Variants in PRIMA1 observed in about 807,000 individuals in gnomAD.
PRIMA1 encodes the protein proline-rich membrane anchor 1.
A neutral mutation model predicts 17.5 loss-of-function variants in PRIMA1; 7 were observed. The ratio of observed to expected loss-of-function variants is 0.40; its 90% confidence interval spans 0.23 to 0.75. PRIMA1 has a LOEUF of 0.75. Among genes scored for constraint, PRIMA1 ranks in the 30% least tolerant of loss-of-function variants. PRIMA1 has a pLI of 0.37. For missense variants in PRIMA1, 200 were observed against 201.8 expected, an observed-to-expected ratio of 0.99 and a Z score of 0.05; for synonymous variants, 97 against 77.9, an observed-to-expected ratio of 1.25 and a Z score of -1.29.
chr14:93,773,294 A>G (rs1326780935), intron 3 of PRIMA1, among the ~76,000 whole-genome samples: 1 of 152,240 alleles, frequency 6.6e-6, no homozygotes, highest in Non-Finnish European at 1.5e-5. Context: ...ACATGGCCAG[A>G]GTCTGAGCTA....
At chr14:93,774,050 G>A (rs1885139667) in intron 3 of PRIMA1, among the ~76,000 whole-genome samples, 1 of 151,960 alleles carries the variant, frequency 6.6e-6, no homozygotes, top group Non-Finnish European at 1.5e-5. Context: ...CGAGATCACA[G>A]CACCGCACTT....
At chr14:93,759,522 T>TG (rs2076313806) in intron 3 of PRIMA1, among the ~76,000 whole-genome samples, 1 of 151,810 alleles carries the variant, frequency 6.6e-6, no homozygotes, top group Non-Finnish European at 1.5e-5. Context: ...TGTGTGTGCG[T>TG]GTGTGTGCAT....
At chr14:93,787,565 G>A (rs2141200783) in intron 2 of PRIMA1, 61 bp downstream of exon 2, 6 of 1,535,932 alleles carry the variant, frequency 3.9e-6, no homozygotes, top group East Asian at 2.4e-5. Flanking sequence ...CAGGAGGGAA[G>A]GGACAGCTCG....
At chr14:93,744,728 C>A (rs1053930272) in intron 3 of PRIMA1, among the ~76,000 whole-genome samples, 4 of 152,174 alleles carry the variant, frequency 2.6e-5, no homozygotes, top group Admixed American at 6.5e-5. Context: ...AGCATGGAGA[C>A]CCCCTGTTTC....
intron 3 of PRIMA1, among the ~76,000 whole-genome samples, chr14:93,762,299 A>C (rs1884757316): frequency 6.6e-6 from 1 of 152,128 alleles, no homozygotes; most frequent in African/African-American, 2.4e-5. Context: ...TAATTGCACC[A>C]GTAGCCAGTC....
rs536924535 is a variant in PRIMA1, at chr14:93,767,762, C to CG, written c.229+11413_229+11414insC. Among the ~76,000 whole-genome samples, 107 of 152,312 alleles carry CG rather than the reference C, an allele frequency of 7.0e-4. 2 individuals are homozygous for CG. In the South Asian group the frequency reaches 0.017, roughly 24 times the overall value. Reference sequence around the variant, plus strand: ...GGCAGGCTGACCCTACACACCCCCCCTCTCCATTCTGCCTGGAGACAGCGA... The same window carrying CG: ...GGCAGGCTGACCCTACACACCCCCCCGTCTCCATTCTGCCTGGAGACAGCGA... On this transcript the variant is annotated intron_variant, in intron 3 of 4. Coordinates refer to ENST00000393140, the MANE Select transcript of PRIMA1 (RefSeq NM_178013.4).
In PRIMA1 at chr14:93,725,905, T is replaced by C. The variant is rs1348659085; in HGVS notation, c.360-4359A>G. The C allele has an allele frequency of 8.8e-6, 4 of 456,224 alleles. No individual in the cohort carries two copies. In the Admixed American group the frequency reaches 9.4e-5, roughly 11 times the overall value. 28.3% of individuals were successfully genotyped at this position (456,224 alleles called of 1,614,324 possible). On this transcript the variant is annotated intron_variant, in intron 4 of 4. Coordinates refer to ENST00000393140, the MANE Select transcript of PRIMA1 (RefSeq NM_178013.4). The stretch of plus-strand genomic sequence containing the variant: ...TTAGGACCCAGCCTGGCTCTGCAGC[T>C]CTGTGAGTCAGCTGAGGCTGGTCTC...
chr14:93,743,049 T>A (rs2141165448), intron 3 of PRIMA1, among the ~76,000 whole-genome samples: 1 of 152,236 alleles, frequency 6.6e-6, no homozygotes, highest in African/African-American at 2.4e-5. Context: ...GGAAACAATC[T>A]CGGTTTTGCA....
chr14:93,722,354 GTGGTAGTGGTGA>G (rs1566961333), intron 4 of PRIMA1, among the ~76,000 whole-genome samples: 5 of 20,920 alleles, frequency 2.4e-4, no homozygotes, highest in African/African-American at 5.7e-4. Context: ...TGGGGTGATG[GTGGTAGTGGTGA>G]TGCTGGTGGT....
chr14:93,783,247 TCCCACTTC>T (rs1885432274), intron 2 of PRIMA1, among the ~76,000 whole-genome samples: 1 of 152,212 alleles, frequency 6.6e-6, no homozygotes, highest in African/African-American at 2.4e-5. Context: ...GGGTTCAGGC[TCCCACTTC>T]GCCCTGGGCA....
At chr14:93,730,069 T>C (rs2076104089) in intron 4 of PRIMA1, among the ~76,000 whole-genome samples, 1 of 152,204 alleles carries the variant, frequency 6.6e-6, no homozygotes, top group African/African-American at 2.4e-5. Context: ...AAATAGAGTC[T>C]GTCAGTTTAA....
chr14:93,779,579 A>G (rs1246602191), intron 2 of PRIMA1, among the ~76,000 whole-genome samples: 1 of 152,206 alleles, frequency 6.6e-6, no homozygotes, highest in Non-Finnish European at 1.5e-5. Context: ...AGAAGTAGAC[A>G]AGAACTTGAA....
At chr14:93,757,564 G>C (rs1170234284) in intron 3 of PRIMA1, among the ~76,000 whole-genome samples, 1 of 152,240 alleles carries the variant, frequency 6.6e-6, no homozygotes, top group African/African-American at 2.4e-5. Flanking sequence ...CTGGGGTGGG[G>C]GCTGGAGGGA....
rs925475213 is a variant in PRIMA1 at position 93,719,180 on chromosome 14, C to CTAGA, written c.*2260_*2263dup. ...AGCTGAGAGGGAATTTATGTGCAGA[C>CTAGA]TAGAGCCCTGGATGCGTCAGCGGCT... On this transcript the variant is annotated 3_prime_UTR_variant, in exon 5 of 5. Coordinates refer to ENST00000393140, the MANE Select transcript of PRIMA1 (RefSeq NM_178013.4). 6.6e-6 allele frequency: 1 copy of CTAGA among 152,166 alleles called. No individual in the cohort carries two copies. Among genetic ancestry groups the CTAGA allele is most frequent in the African/African-American group, 2.4e-5 (1 of 41,444 alleles). 9.4% of individuals were successfully genotyped at this position (152,166 alleles called of 1,614,324 possible).
At chr14:93,756,081 AT>A (rs958629510) in intron 3 of PRIMA1, among the ~76,000 whole-genome samples, 5 of 151,648 alleles carry the variant, frequency 3.3e-5, no homozygotes, top group Non-Finnish European at 4.4e-5. Context: ...AGAAATCTGG[AT>A]TTTTTTTTAA....
chr14:93,739,782 A>G (rs2076173320), intron 3 of PRIMA1, among the ~76,000 whole-genome samples: 1 of 152,136 alleles, frequency 6.6e-6, no homozygotes, highest in Non-Finnish European at 1.5e-5. Context: ...CGAATCAGAA[A>G]TTCTTCCTGA....
intron 3 of PRIMA1, among the ~76,000 whole-genome samples, chr14:93,773,888 G>T (rs1885136890): frequency 1.3e-5 from 2 of 152,204 alleles, no homozygotes; most frequent in South Asian, 4.1e-4. Flanking sequence ...GAGGTCAGGA[G>T]TTTGAGACCA....
At chr14:93,773,356 C>A (rs1037279475) in intron 3 of PRIMA1, among the ~76,000 whole-genome samples, 1 of 152,230 alleles carries the variant, frequency 6.6e-6, no homozygotes, top group Non-Finnish European at 1.5e-5. Flanking sequence ...GATTGTCATT[C>A]TGTAGGGCAC....
intron 3 of PRIMA1, among the ~76,000 whole-genome samples, chr14:93,775,327 C>T (rs1032666431): frequency 7.2e-5 from 11 of 152,256 alleles, no homozygotes; most frequent in Admixed American, 5.9e-4. Flanking sequence ...CTGCTGCTCA[C>T]TGCTGGTTCC....
Sources: allele counts gnomAD v4.1 joint callset (sites outside exome capture counted in the v4.1 genomes callset), GRCh38; gene constraint gnomAD v4.1.1; transcripts MANE v1.5; gene names NCBI Gene and HGNC (gene_info 2026-07-23, HGNC 2026-07-21).